Variants in CHRM3 observed in about 807,000 individuals in gnomAD.
CHRM3 encodes cholinergic receptor muscarinic 3, also known as muscarinic acetylcholine receptor M3.
A neutral mutation model predicts 41.8 loss-of-function variants in CHRM3; 11 were observed. The ratio of observed to expected loss-of-function variants is 0.26; its 90% CI spans 0.17 to 0.44. The LOEUF is 0.44. Ranked by LOEUF, CHRM3 falls within the 20% of genes least tolerant of loss-of-function variation. CHRM3 has a pLI of 1.00. For synonymous variants in CHRM3, 297 were observed against 301.4 expected, an observed-to-expected ratio of 0.99 and a Z score of 0.15; for missense variants, 571 against 745.4, an observed-to-expected ratio of 0.77 and a Z score of 2.72.
Position 239,821,390 on chromosome 1 carries a change from C to A in CHRM3, c.-146-5862C>A, listed in dbSNP as rs76020485. ...TACAAGGCAGGGCAAAACCACCTTG[C>A]TTTCTTTACTTTGACATCAATGCTG... is the stretch of plus-strand genomic sequence containing the variant. On this transcript the variant is annotated intron_variant, in intron 5 of 6. Transcript: ENST00000676153. 2.4e-3 allele frequency among the ~76,000 whole-genome samples: 370 copies of A among 152,310 alleles called. 2 individuals carry two copies. Among genetic ancestry groups the A allele is most frequent in the African/African-American group, 8.4e-3 (351 of 41,574 alleles).
chr1:239,798,403 C>G (rs948491514), intron 5 of CHRM3, among the ~76,000 whole-genome samples: 1 of 152,130 alleles, frequency 6.6e-6, no homozygotes, highest in African/African-American at 2.4e-5. Context: ...TATGCCAGGT[C>G]TTCCTCCCAT....
At chr1:239,845,046 C>A (rs1354628911) in intron 6 of CHRM3, among the ~76,000 whole-genome samples, 1 of 152,108 alleles carries the variant, frequency 6.6e-6, no homozygotes, top group Non-Finnish European at 1.5e-5. Context: ...TTCAAGATGG[C>A]AGAGGTCACA....
chr1:239,524,092 G>T (rs1246556395), intron 2 of CHRM3, among the ~76,000 whole-genome samples: 1 of 151,974 alleles, frequency 6.6e-6, no homozygotes, highest in Non-Finnish European at 1.5e-5. Flanking sequence ...CACTAAACCT[G>T]CATCCCACCT....
intron 5 of CHRM3, among the ~76,000 whole-genome samples, chr1:239,815,188 CTG>C (rs1671475960): frequency 1.3e-5 from 2 of 152,184 alleles, no homozygotes; most frequent in Non-Finnish European, 2.9e-5. Flanking sequence ...AATTTTAAGA[CTG>C]AAGCCAGTTG....
chr1:239,853,325 A>G (rs1263791616), intron 6 of CHRM3, among the ~76,000 whole-genome samples: 3 of 151,876 alleles, frequency 2.0e-5, no homozygotes, highest in East Asian at 1.9e-4. Flanking sequence ...TTGTAAATGT[A>G]TTTTTTAAAA....
At chr1:239,672,838 G>A (rs1674514604) in intron 4 of CHRM3, among the ~76,000 whole-genome samples, 1 of 152,048 alleles carries the variant, frequency 6.6e-6, no homozygotes, top group African/African-American at 2.4e-5. Flanking sequence ...TGTTTTCTAA[G>A]AACTGTTAAC....
At position 239,909,182 on chromosome 1, in the gene CHRM3, G is replaced by A; in HGVS notation, c.1731G>A (p.Gln577=). ...KRRKQQYQQR[Q]SVIFHKRAPE... ...GCAAGCAGCAGTACCAGCAGAGACAGTCGGTCATTTTTCACAAGCGCGCAC... is the reference window on the plus strand; with the variant it reads ...GCAAGCAGCAGTACCAGCAGAGACAATCGGTCATTTTTCACAAGCGCGCAC... Residue 577 remains glutamine (Q), a synonymous_variant, in exon 7 of 7, where the codon CAG becomes CAA. Coordinates refer to ENST00000676153, the MANE Select transcript of CHRM3 (RefSeq NM_001375978.1). The A allele has an allele frequency of 1.2e-6, 2 of 1,613,382 alleles. No homozygotes were observed. The highest frequency in any genetic ancestry group is 1.7e-6 in the Non-Finnish European group (2 of 1,179,826).
At chr1:239,697,209 A>C (rs1660277528) in intron 5 of CHRM3, among the ~76,000 whole-genome samples, 1 of 152,098 alleles carries the variant, frequency 6.6e-6, no homozygotes, top group Non-Finnish European at 1.5e-5. Context: ...GGTGGGAGGT[A>C]ATTGAATCAT....
intron 6 of CHRM3, among the ~76,000 whole-genome samples, chr1:239,855,285 A>T (rs957097877): frequency 3.9e-5 from 6 of 152,188 alleles, no homozygotes; most frequent in African/African-American, 1.4e-4. Flanking sequence ...GCAAAAAATT[A>T]TAGAGAGGGT....
intron 6 of CHRM3, among the ~76,000 whole-genome samples, chr1:239,841,691 G>A (rs185659250): frequency 1.4e-4 from 22 of 152,282 alleles, no homozygotes; most frequent in African/African-American, 5.1e-4. Flanking sequence ...TTCCCACCTG[G>A]GGTCAGGAGT....
At chr1:239,740,344 T>C (rs1664729270) in intron 5 of CHRM3, among the ~76,000 whole-genome samples, 1 of 152,182 alleles carries the variant, frequency 6.6e-6, no homozygotes, top group Non-Finnish European at 1.5e-5. Context: ...TTGTTTCTTT[T>C]TTTTTTCTCA....
At chr1:239,876,994 C>G (rs1677159819) in intron 6 of CHRM3, among the ~76,000 whole-genome samples, 1 of 152,162 alleles carries the variant, frequency 6.6e-6, no homozygotes, top group East Asian at 1.9e-4. Context: ...TCAACAGAGA[C>G]AGCAAGTGCA....
At chr1:239,660,588 A>G (rs1347382322) in intron 4 of CHRM3, among the ~76,000 whole-genome samples, 1 of 152,198 alleles carries the variant, frequency 6.6e-6, no homozygotes, top group Non-Finnish European at 1.5e-5. Context: ...TAATGATAAT[A>G]ATAGATTAAC....
rs1258278791 is a variant in CHRM3, at chr1:239,531,764, A to G, written c.-421-13877A>G. On this transcript the variant is annotated intron_variant, in intron 2 of 6. Coordinates refer to ENST00000676153, the MANE Select transcript of CHRM3 (RefSeq NM_001375978.1). ...AACCTCCACCTGCTGGGTTCATGCA[A>G]TTCTCCTGTCTCAGCCTCCCGAGTA... Among the ~76,000 whole-genome samples, 3 of 138,734 alleles carry G rather than the reference A, an allele frequency of 2.2e-5. No individual in the cohort carries two copies. The Admixed American group carries it at 2.4e-4, about 11-fold the overall frequency. The allele number at this position is 138,734 out of a possible 152,430, so 91.0% of individuals were successfully genotyped here.
chr1:239,781,981 A>T (rs1668538662), intron 5 of CHRM3, among the ~76,000 whole-genome samples: 1 of 152,096 alleles, frequency 6.6e-6, no homozygotes, highest in Non-Finnish European at 1.5e-5. Flanking sequence ...GTCGTATTGT[A>T]TATTCCTTTT....
intron 3 of CHRM3, among the ~76,000 whole-genome samples, chr1:239,550,323 T>C (rs968194465): frequency 6.6e-6 from 1 of 152,222 alleles, no homozygotes; most frequent in South Asian, 2.1e-4. Context: ...TGCATGCCTA[T>C]ATTATAAATC....
chr1:239,763,655 G>A (rs927960964), intron 5 of CHRM3, among the ~76,000 whole-genome samples: 1 of 151,956 alleles, frequency 6.6e-6, no homozygotes, highest in African/African-American at 2.4e-5. Context: ...CCCCACCCCC[G>A]AAAAAGTGCT....
At chr1:239,420,885 T>C (rs1661901778) in intron 1 of CHRM3, among the ~76,000 whole-genome samples, 1 of 152,214 alleles carries the variant, frequency 6.6e-6, no homozygotes, top group South Asian at 2.1e-4. Context: ...ATGTAAATTA[T>C]TCCGTCTCAC....
intron 1 of CHRM3, among the ~76,000 whole-genome samples, chr1:239,450,828 C>T (rs1470207048): frequency 6.6e-6 from 1 of 152,188 alleles, no homozygotes; most frequent in African/African-American, 2.4e-5. Context: ...AATCACAATA[C>T]ATAAAATCAG....
Sources: allele counts gnomAD v4.1 joint callset (sites outside exome capture counted in the v4.1 genomes callset), GRCh38; gene constraint gnomAD v4.1.1; transcripts MANE v1.5; gene names NCBI Gene and HGNC (gene_info 2026-07-23, HGNC 2026-07-21).